The following CBY1 variants were observed in gnomAD, a reference collection of about 807,000 sequenced individuals.
The protein encoded by CBY1 is protein chibby homolog 1.
Under a neutral mutation model 15.6 loss-of-function variants are expected in CBY1, and 10 were observed. That is an observed-to-expected ratio of 0.64 (90% CI 0.40 to 1.09). The LOEUF (loss-of-function observed/expected upper bound fraction) is 1.09, where lower values mean the gene tolerates loss of function less well. Ranked by LOEUF, CBY1 falls within the 50% of genes least tolerant of loss-of-function variation. CBY1 has a pLI of 0.01. For missense variants in CBY1, 150 were observed against 160.5 expected (o/e 0.93, Z 0.35); for synonymous variants, 61 against 63.5 (o/e 0.96, Z 0.19).
At chr22:38,673,096 T>G in intron 4 of CBY1, 63 bp from the exon 5 acceptor site, 1 of 1,224,982 alleles carries the variant, frequency 8.2e-7, no homozygotes, top group Non-Finnish European at 1.2e-6. Context: ...AGGGCCGGCC[T>G]TGCTAACCCG....
At chr22:38,664,890 C>T (rs1031392721) in intron 1 of CBY1, among the ~76,000 whole-genome samples, 3 of 152,002 alleles carry the variant, frequency 2.0e-5, no homozygotes, top group Non-Finnish European at 4.4e-5. Context: ...GTTGCCCAGA[C>T]TGAAGTGTGC....
At chr22:38,658,129 AT>A (rs919827780) in intron 1 of CBY1, among the ~76,000 whole-genome samples, 32 of 146,562 alleles carry the variant, frequency 2.2e-4, no homozygotes, top group Admixed American at 1.1e-3. Flanking sequence ...TTTCTTTTCT[AT>A]TTTTTTTTTC....
chr22:38,671,268 A>G, intron 4 of CBY1, 80 bp downstream of exon 4: 1 of 1,056,898 alleles, frequency 9.5e-7, no homozygotes, highest in Non-Finnish European at 1.5e-6. Context: ...TCCAACAGAT[A>G]TCTCCTCAAT....
At chr22:38,671,432 C>G (rs924537675) in intron 4 of CBY1, 5 of 468,586 alleles carry the variant, frequency 1.1e-5, no homozygotes, top group East Asian at 7.5e-5. Context: ...GCACAGCACA[C>G]GAGGGAGAAG....
rs1431335320 is a variant in CBY1 at position 38,668,075 on chromosome 22, G to A, written c.21G>A (p.Thr7=). ...CAAAGATGCCTTTCTTTGGGAATACGTTCAGTCCGAAGAAGACACCTCCTC... is the reference window on the plus strand; with the variant it reads ...CAAAGATGCCTTTCTTTGGGAATACATTCAGTCCGAAGAAGACACCTCCTC... MPFFGN[T]FSPKKTPPRK... The change falls in exon 2 of 5, where the codon ACG becomes ACA. Residue 7 remains threonine (T), a synonymous_variant. Transcript: ENST00000216029. 1.9e-6 allele frequency: 3 copies of A among 1,613,872 alleles called. No individual in the cohort carries two copies. The highest frequency in any genetic ancestry group is 1.1e-5 in the South Asian group (1 of 91,068).
chr22:38,665,971 AT>A (rs773175794), intron 1 of CBY1, among the ~76,000 whole-genome samples: 12 of 151,846 alleles, frequency 7.9e-5, no homozygotes, highest in African/African-American at 1.9e-4. Flanking sequence ...AAAAAAAAAA[AT>A]CATAAATAAA....
intron 4 of CBY1, 24 bp from the exon 5 acceptor site, chr22:38,673,135 T>C (rs750663556): frequency 1.3e-6 from 2 of 1,569,804 alleles, no homozygotes; most frequent in Non-Finnish European, 1.8e-6. Flanking sequence ...TGCTGCTTGC[T>C]AACAGCCGCT....
intron 1 of CBY1, among the ~76,000 whole-genome samples, chr22:38,658,792 CTT>C (rs1013850345): frequency 7.2e-5 from 11 of 152,024 alleles, no homozygotes; most frequent in Non-Finnish European, 1.5e-4. Flanking sequence ...TTTATTTTCA[CTT>C]TGTCTTATCA....
intron 1 of CBY1, among the ~76,000 whole-genome samples, chr22:38,660,502 C>T (rs2092419049): frequency 6.6e-6 from 1 of 151,882 alleles, no homozygotes; most frequent in South Asian, 2.1e-4. Flanking sequence ...GCCGAAAATG[C>T]ATCTTTTAAT....
chr22:38,663,372 T>C (rs1319760369), intron 1 of CBY1, among the ~76,000 whole-genome samples: 1 of 151,502 alleles, frequency 6.6e-6, no homozygotes, highest in Non-Finnish European at 1.5e-5. Context: ...GGAGAATCGC[T>C]TGAACCCGGG....
intron 1 of CBY1, among the ~76,000 whole-genome samples, chr22:38,662,272 A>C (rs2092424233): frequency 6.6e-6 from 1 of 151,208 alleles, no homozygotes; most frequent in Non-Finnish European, 1.5e-5. Context: ...ACTGCACTCT[A>C]GCCTGGGCAA....
chr22:38,659,253 G>T (rs138216696), intron 1 of CBY1, among the ~76,000 whole-genome samples: 3,363 of 150,758 alleles, frequency 0.022, 130 homozygotes, highest in African/African-American at 0.076. Context: ...GGTTTTTTTT[G>T]TTTGTTTGTT....
intron 4 of CBY1, 55 bp from the exon 5 acceptor site, chr22:38,673,104 C>G: frequency 7.4e-7 from 1 of 1,346,564 alleles, no homozygotes; most frequent in East Asian, 2.3e-5. Context: ...CCTTGCTAAC[C>G]CGAAACATTT....
chr22:38,657,369 C>T (rs1433942180), intron 1 of CBY1, among the ~76,000 whole-genome samples: 2 of 152,190 alleles, frequency 1.3e-5, no homozygotes, highest in East Asian at 3.8e-4. Flanking sequence ...AGCCGAAGTC[C>T]AAGGGGGATA....
At chr22:38,661,455 C>A (rs944262244) in intron 1 of CBY1, among the ~76,000 whole-genome samples, 1 of 152,190 alleles carries the variant, frequency 6.6e-6, no homozygotes, top group Non-Finnish European at 1.5e-5. Context: ...GGATTACAGG[C>A]GTGAGCCACT....
intron 1 of CBY1, among the ~76,000 whole-genome samples, chr22:38,660,565 G>GAC (rs968045840): frequency 6.6e-6 from 1 of 151,626 alleles, no homozygotes; most frequent in Non-Finnish European, 1.5e-5. Flanking sequence ...TGTGTATATA[G>GAC]ACACACACAC....
At position 38,668,094 on chromosome 22, in the gene CBY1, C is replaced by A; in HGVS notation, c.40C>A (p.Pro14Thr). 2 of 1,613,690 alleles carry A rather than the reference C, an allele frequency of 1.2e-6. No individual in the cohort carries two copies. The highest frequency in any genetic ancestry group is 1.7e-6 in the Non-Finnish European group (2 of 1,179,650). Reference sequence around the variant, plus strand: ...GAATACGTTCAGTCCGAAGAAGACACCTCCTCGGAAGTCGGCATCTCTCTC... The same window carrying A: ...GAATACGTTCAGTCCGAAGAAGACAACTCCTCGGAAGTCGGCATCTCTCTC... ...FGNTFSPKKT[P>T]PRKSASLSNL... Residue 14 changes from proline (P) to threonine (T), a missense_variant, in exon 2 of 5, where the codon CCT becomes ACT. Transcript: ENST00000216029.
intron 1 of CBY1, among the ~76,000 whole-genome samples, chr22:38,662,259 G>A (rs2092424170): frequency 2.0e-5 from 3 of 149,890 alleles, no homozygotes; most frequent in South Asian, 2.1e-4. Context: ...CCGAGATCAC[G>A]CCACTGCACT....
chr22:38,671,301 C>G, intron 4 of CBY1, 113 bp downstream of exon 4: 5 of 815,900 alleles, frequency 6.1e-6, no homozygotes, highest in Non-Finnish European at 6.3e-6. Context: ...AGGTACGTTG[C>G]TTTGCATCCA....
Sources: allele counts gnomAD v4.1 joint callset (sites outside exome capture counted in the v4.1 genomes callset), GRCh38; gene constraint gnomAD v4.1.1; transcripts MANE v1.5; gene names NCBI Gene and HGNC (gene_info 2026-07-23, HGNC 2026-07-21).